Variants in MTHFD2L observed in about 807,000 individuals in gnomAD.
The protein encoded by MTHFD2L is bifunctional methylenetetrahydrofolate dehydrogenase/cyclohydrolase 2, mitochondrial.
In MTHFD2L, 29 loss-of-function variants were observed where a neutral mutation model predicts 34.9. The ratio of observed to expected loss-of-function variants is 0.83; its 90% CI spans 0.62 to 1.13. The LOEUF (loss-of-function observed/expected upper bound fraction) is 1.13. Among genes scored for constraint, MTHFD2L ranks in the 50% most tolerant of loss-of-function variants. The probability of loss-of-function intolerance (pLI) is 0.00; values close to 1 mark genes in which losing one functional copy is unlikely to be tolerated. For missense variants in MTHFD2L, 481 were observed against 446.5 expected (o/e 1.08, Z -0.70); for synonymous variants, 167 against 155.7 (o/e 1.07, Z -0.54).
intron 5 of MTHFD2L, among the ~76,000 whole-genome samples, chr4:74,223,649 A>ATAAG (rs1738623978): frequency 6.6e-6 from 1 of 150,998 alleles, no homozygotes. Flanking sequence ...AAATAAATAA[A>ATAAG]TATTTTTGTA....
intron 3 of MTHFD2L, chr4:74,194,363 A>G (rs1403100137): frequency 6.6e-6 from 1 of 152,128 alleles, no homozygotes; most frequent in Non-Finnish European, 1.5e-5. Context: ...AAAAGCTTTT[A>G]AAGTGGAGAA....
intron 1 of MTHFD2L, among the ~76,000 whole-genome samples, chr4:74,141,594 A>C (rs1723278695): frequency 6.6e-6 from 1 of 152,344 alleles, no homozygotes; most frequent in Admixed American, 6.5e-5. Flanking sequence ...TCATTCATTG[A>C]GAAACACTGA....
chr4:74,294,987 T>C (rs1640377929), intron 7 of MTHFD2L, among the ~76,000 whole-genome samples: 1 of 152,174 alleles, frequency 6.6e-6, no homozygotes, highest in Admixed American at 6.6e-5. Flanking sequence ...TCTCCTTCAC[T>C]ACTTTCTTCT....
intron 7 of MTHFD2L, among the ~76,000 whole-genome samples, chr4:74,288,619 G>A (rs994882328): frequency 1.1e-4 from 17 of 152,210 alleles, no homozygotes; most frequent in African/African-American, 2.2e-4. Flanking sequence ...GGACAATCTC[G>A]TCATTGTCTG....
chr4:74,280,275 A>G lies in MTHFD2L; in HGVS notation c.806-1150A>G, dbSNP rs564096986. On this transcript the variant is annotated intron_variant, in intron 6 of 7. Coordinates refer to ENST00000325278, the MANE Select transcript of MTHFD2L (RefSeq NM_001144978.3). ...GACATTATGCTGGTTTCCCAGTCCA[A>G]GCATTAAGAGGCTGGTAACTAATAC... The G allele has an allele frequency of 3.9e-5, 6 of 152,240 alleles. No homozygotes were observed. The South Asian group carries it at 6.2e-4, about 16-fold the overall frequency. The allele number at this position is 152,240 out of a possible 1,614,324, so 9.4% of individuals were successfully genotyped here. A position where few individuals can be genotyped will look rare whatever the true frequency, so the allele number is the denominator to read the frequency against.
intron 6 of MTHFD2L, among the ~76,000 whole-genome samples, chr4:74,249,555 GA>G (rs1411131618): frequency 6.6e-6 from 1 of 152,042 alleles, no homozygotes; most frequent in Non-Finnish European, 1.5e-5. Context: ...CTCGTTAGTT[GA>G]TGCAGTTTCT....
intron 6 of MTHFD2L, among the ~76,000 whole-genome samples, chr4:74,269,596 A>T (rs1412225390): frequency 5.9e-5 from 9 of 152,020 alleles, no homozygotes; most frequent in Non-Finnish European, 1.0e-4. Context: ...TGAATAAATT[A>T]TGTCTACTTT....
intron 6 of MTHFD2L, among the ~76,000 whole-genome samples, chr4:74,229,785 G>A (rs746378735): frequency 1.8e-4 from 28 of 152,092 alleles, no homozygotes; most frequent in South Asian, 1.0e-3. Context: ...GTCACACTAT[G>A]CAATTAGAAG....
At chr4:74,263,573 T>A (rs766913829) in intron 6 of MTHFD2L, among the ~76,000 whole-genome samples, 1 of 152,038 alleles carries the variant, frequency 6.6e-6, no homozygotes, top group Non-Finnish European at 1.5e-5. Flanking sequence ...TGAGGTATTA[T>A]ATTTTACTCT....
chr4:74,157,739 A>C (rs1187011336), upstream of MTHFD2L: 3 of 469,102 alleles, frequency 6.4e-6, 1 homozygote, highest in Middle Eastern at 6.3e-4. Context: ...CCACGTAGTC[A>C]CGGAGACTGT....
chr4:74,172,294 T>G (rs1728167705), intron 1 of MTHFD2L, among the ~76,000 whole-genome samples: 1 of 152,174 alleles, frequency 6.6e-6, no homozygotes, highest in Non-Finnish European at 1.5e-5. Context: ...TATACATATA[T>G]TAAAACTTAA....
intron 3 of MTHFD2L, among the ~76,000 whole-genome samples, chr4:74,186,388 A>G (rs1271863740): frequency 1.3e-5 from 2 of 150,238 alleles, no homozygotes; most frequent in East Asian, 2.0e-4. Context: ...ACAATAAGAC[A>G]AGAAAAGCAG....
Position 74,301,959 on chromosome 4 carries a change from A to G in MTHFD2L, c.*150A>G. ...TCATTGTGAATCAATTGATTCACAT[A>G]GTTTTATGCATTTCCTGCTAATTTA... On this transcript the variant is annotated 3_prime_UTR_variant, in exon 8 of 8. Coordinates refer to ENST00000325278, the MANE Select transcript of MTHFD2L (RefSeq NM_001144978.3). 1 of 438,894 alleles carries G rather than the reference A, an allele frequency of 2.3e-6. No individual in the cohort carries two copies. The highest frequency in any genetic ancestry group is 4.1e-6 in the Non-Finnish European group (1 of 244,444). 27.2% of individuals were successfully genotyped at this position (438,894 alleles called of 1,614,324 possible).
At chr4:74,202,591 G>T (rs1332716480) in intron 5 of MTHFD2L, among the ~76,000 whole-genome samples, 7 of 152,204 alleles carry the variant, frequency 4.6e-5, no homozygotes, top group South Asian at 2.1e-4. Flanking sequence ...GGGTTATTCA[G>T]CGTATCACTG....
At chr4:74,153,143 T>C (rs1169327614), upstream of MTHFD2L, among the ~76,000 whole-genome samples, 4 of 152,238 alleles carry the variant, frequency 2.6e-5, no homozygotes, top group Non-Finnish European at 4.4e-5. Context: ...GAGTAAGCTA[T>C]GCATCTGTCT....
intron 6 of MTHFD2L, 142 bp from the exon 7 acceptor site, chr4:74,281,283 C>A (rs1052256285): frequency 5.1e-6 from 4 of 781,260 alleles, no homozygotes; most frequent in African/African-American, 1.9e-5. Context: ...GATCAGAAAT[C>A]ATCAATGGCC....
intron 6 of MTHFD2L, among the ~76,000 whole-genome samples, chr4:74,231,276 G>C (rs1560512314): frequency 6.6e-6 from 1 of 151,946 alleles, no homozygotes. Context: ...ATTATCCTAG[G>C]GCTCAATAGG....
rs142855682 is a variant in MTHFD2L, at chr4:74,214,923, T to C, written c.713-10379T>C. On this transcript the variant is annotated intron_variant, in intron 5 of 7. Coordinates refer to ENST00000325278, the MANE Select transcript of MTHFD2L (RefSeq NM_001144978.3). The stretch of plus-strand genomic sequence containing the variant: ...CCCTGCCCAGTGAGGAGGAATCTAG[T>C]GAGACAGTCTGGCTACAGCAGCTTT... Among the ~76,000 whole-genome samples the C allele has an allele frequency of 6.6e-3, 999 of 151,860 alleles. 10 individuals are homozygous for C. Among genetic ancestry groups the C allele is most frequent in the Non-Finnish European group, 0.011 (742 of 68,000 alleles).
intron 1 of MTHFD2L, among the ~76,000 whole-genome samples, chr4:74,147,771 A>G (rs1301405251): frequency 2.0e-5 from 3 of 152,178 alleles, no homozygotes; most frequent in African/African-American, 7.2e-5. Flanking sequence ...CATTTCCTTA[A>G]TAATTAGCGA....
Sources: gnomAD v4.1 joint callset for allele counts (sites outside exome capture counted in the v4.1 genomes callset) on GRCh38, gnomAD v4.1.1 for gene constraint, MANE v1.5 for transcripts, NCBI Gene and HGNC (gene_info 2026-07-23, HGNC 2026-07-21) for gene names.